TTLL1: variants seen among roughly 807,000 people sequenced by gnomAD.
TTLL1 encodes polyglutamylase complex subunit TTLL1.
A neutral mutation model predicts 47.8 loss-of-function variants in TTLL1; 33 were observed. The observed-to-expected ratio is 0.69, with a 90% CI of 0.52 to 0.92. The LOEUF (loss-of-function observed/expected upper bound fraction) is 0.92. Ranked by LOEUF, TTLL1 falls within the 40% of genes least tolerant of loss-of-function variation. TTLL1 has a pLI of 0.00. For missense variants in TTLL1, 488 were observed against 547.5 expected, an observed-to-expected ratio of 0.89 and a Z score of 1.08; for synonymous variants, 225 against 214.1, an observed-to-expected ratio of 1.05 and a Z score of -0.45.
At chr22:43,073,541 T>C (rs1050708315) in intron 3 of TTLL1, among the ~76,000 whole-genome samples, 1 of 151,328 alleles carries the variant, frequency 6.6e-6, no homozygotes, top group African/African-American at 2.4e-5. Context: ...ATTTTTGTAG[T>C]GATGGGGTTT....
intron 5 of TTLL1, among the ~76,000 whole-genome samples, chr22:43,067,403 C>T (rs1927809899): frequency 6.6e-6 from 1 of 152,210 alleles, no homozygotes; most frequent in African/African-American, 2.4e-5. Context: ...TGAGACTGGG[C>T]TTCAAACCCA....
chr22:43,073,482 G>A (rs537446647), intron 3 of TTLL1, among the ~76,000 whole-genome samples: 109 of 151,602 alleles, frequency 7.2e-4, no homozygotes, highest in African/African-American at 2.4e-3. Context: ...TCAGCCTCCC[G>A]GGCAGCTAGG....
intron 2 of TTLL1, among the ~76,000 whole-genome samples, 190 bp from the exon 3 acceptor site, chr22:43,075,780 G>A (rs374436196): frequency 6.6e-6 from 1 of 152,164 alleles, no homozygotes; most frequent in African/African-American, 2.4e-5. Context: ...CATGACCAGG[G>A]GATGCCTCTG....
chr22:43,076,285 ATC>A (rs1449656021), intron 2 of TTLL1, among the ~76,000 whole-genome samples: 3 of 151,746 alleles, frequency 2.0e-5, no homozygotes, highest in Admixed American at 6.6e-5. Flanking sequence ...GTGAAACCCC[ATC>A]TCTACTAAAA....
chr22:43,043,150 A>T (rs1925833869), intron 10 of TTLL1, among the ~76,000 whole-genome samples: 1 of 151,836 alleles, frequency 6.6e-6, no homozygotes, highest in South Asian at 2.1e-4. Context: ...CATGTTGGCC[A>T]GGCTGGTCTT....
chr22:43,055,013 C>A (rs958868906), intron 8 of TTLL1, among the ~76,000 whole-genome samples: 1 of 150,826 alleles, frequency 6.6e-6, no homozygotes. Flanking sequence ...TGTGAGCCAC[C>A]GCACCCAGCC....
chr22:43,083,730 AAAC>A (rs1929050116), intron 1 of TTLL1, among the ~76,000 whole-genome samples: 2 of 152,304 alleles, frequency 1.3e-5, no homozygotes, highest in South Asian at 2.1e-4. Flanking sequence ...TCCATCTCAG[AAAC>A]AACAACCACA....
intron 10 of TTLL1, among the ~76,000 whole-genome samples, chr22:43,040,548 C>T (rs184438458): frequency 2.2e-3 from 328 of 152,232 alleles, no homozygotes; most frequent in Middle Eastern, 0.017. Flanking sequence ...CTGGTTCAAG[C>T]GATTCTCCTG....
chr22:43,053,502 T>C (rs2038063), intron 8 of TTLL1, among the ~76,000 whole-genome samples: 90,629 of 152,104 alleles, frequency 0.6, 28,528 homozygotes, highest in East Asian at 0.82. Flanking sequence ...CTCCAAACCC[T>C]GCTCTGCCTC....
intron 3 of TTLL1, among the ~76,000 whole-genome samples, chr22:43,074,422 C>G (rs1467419450): frequency 9.9e-6 from 1 of 101,368 alleles, no homozygotes; most frequent in African/African-American, 4.8e-5. Flanking sequence ...AGCGAAATTT[C>G]GTCTCAAAAA....
rs991226965 is a variant in TTLL1 at position 43,044,321 on chromosome 22, G to A, written c.1142+2089C>T. On this transcript the variant is annotated intron_variant, in intron 10 of 10. Transcript: ENST00000266254. ...GGCCCCGAGGTTGCCGGCAAGCCCA[G>A]TATACTTCCATCTAAACTCCCCTTG... 3.3e-5 allele frequency among the ~76,000 whole-genome samples: 5 copies of A among 152,190 alleles called. No homozygotes were observed. The East Asian group carries it at 7.7e-4, about 24-fold the overall frequency.
At chr22:43,066,173 T>TA (rs1927721967) in intron 5 of TTLL1, among the ~76,000 whole-genome samples, 1 of 119,900 alleles carries the variant, frequency 8.3e-6, no homozygotes, top group African/African-American at 3.7e-5. Context: ...AAAAAAAAAA[T>TA]TAAAAAAAAA....
intron 3 of TTLL1, among the ~76,000 whole-genome samples, chr22:43,070,428 G>A (rs1456949998): frequency 1.3e-5 from 2 of 152,102 alleles, no homozygotes; most frequent in Non-Finnish European, 2.9e-5. Flanking sequence ...CAGAGAAGCA[G>A]GGAAGGGGTA....
intron 2 of TTLL1, among the ~76,000 whole-genome samples, chr22:43,078,360 G>T (rs956661891): frequency 6.6e-6 from 1 of 152,106 alleles, no homozygotes; most frequent in Non-Finnish European, 1.5e-5. Context: ...GCTGGGCGTG[G>T]TGGCATGTGC....
At chr22:43,085,068 A>G (rs1929146878) in intron 1 of TTLL1, among the ~76,000 whole-genome samples, 1 of 147,460 alleles carries the variant, frequency 6.8e-6, no homozygotes, top group Non-Finnish European at 1.5e-5. Flanking sequence ...TCCAGGTTCA[A>G]GTGATTCAAG....
At chr22:43,080,902 CTTTTTTTTTTTTTTTTTTTT>C (rs10529079) in intron 1 of TTLL1, among the ~76,000 whole-genome samples, 1 of 69,284 alleles carries the variant, frequency 1.4e-5, no homozygotes, top group Non-Finnish European at 2.6e-5. Flanking sequence ...TGTTGCATGA[CTTTTTTTTTTTTTTTTTTTT>C]TTTTTTTTTT....
At chr22:43,081,167 C>T (rs1240239277) in intron 1 of TTLL1, among the ~76,000 whole-genome samples, 1 of 151,944 alleles carries the variant, frequency 6.6e-6, no homozygotes, top group Non-Finnish European at 1.5e-5. Flanking sequence ...CCGTCTGCCT[C>T]GGCCTCTCAA....
In TTLL1 at chr22:43,075,489, T is replaced by C; in HGVS notation, c.98A>G (p.Asp33Gly). The C allele has an allele frequency of 6.2e-7, 1 of 1,614,050 alleles. No homozygotes were observed. Among genetic ancestry groups the C allele is most frequent in the Non-Finnish European group, 8.5e-7 (1 of 1,179,972 alleles). Residue 33 changes from aspartate (D) to glycine (G), a missense_variant, in exon 3 of 11, where the codon GAC (aspartate) becomes GGC (glycine). Coordinates refer to ENST00000266254, the MANE Select transcript of TTLL1 (RefSeq NM_012263.5). Reference sequence around the variant, plus strand: ...GTATGCTTACCAGTAAAAATTCCAGTCCTCGTTTTCTGTCACTTGGACCCA... The same window carrying C: ...GTATGCTTACCAGTAAAAATTCCAGCCCTCGTTTTCTGTCACTTGGACCCA... The part of the protein sequence containing the change: ...RGWVQVTENE[D>G]WNFYWMSVQT...
At chr22:43,051,163 A>G (rs1230002081) in intron 9 of TTLL1, among the ~76,000 whole-genome samples, 1 of 152,250 alleles carries the variant, frequency 6.6e-6, no homozygotes, top group African/African-American at 2.4e-5. Context: ...GGAGGCCTGA[A>G]GCTCCTCCTC....
Sources: gnomAD v4.1 joint callset for allele counts (sites outside exome capture counted in the v4.1 genomes callset) on GRCh38, gnomAD v4.1.1 for gene constraint, MANE v1.5 for transcripts, NCBI Gene and HGNC (gene_info 2026-07-23, HGNC 2026-07-21) for gene names.